The following ZEB1 variants were observed in gnomAD, a reference collection of about 807,000 sequenced individuals.
ZEB1 encodes zinc finger E-box-binding homeobox 1.
In ZEB1, 21 loss-of-function variants were observed where a neutral mutation model predicts 84.9. The ratio of observed to expected loss-of-function variants is 0.25; its 90% confidence interval spans 0.18 to 0.36. The LOEUF is 0.36. Ranked by LOEUF, ZEB1 falls within the 10% of genes least tolerant of loss-of-function variation. The probability of loss-of-function intolerance (pLI) is 1.00; values close to 1 mark genes in which losing one functional copy is unlikely to be tolerated. For missense variants in ZEB1, 1,104 were observed against 1,330.2 expected (o/e 0.83, Z 2.65); for synonymous variants, 420 against 471.1 (o/e 0.89, Z 1.41).
At chr10:31,505,947 TTTTCATTTAAAGAAATTTTAATTTTAA>T (rs1172822924) in intron 4 of ZEB1, among the ~76,000 whole-genome samples, 4 of 152,050 alleles carry the variant, frequency 2.6e-5, no homozygotes, top group Non-Finnish European at 4.4e-5. Context: ...TCTGTTTTGA[TTTTCATTTAAAGAAATTTTAATTTTAA>T]TTTCATTTAA....
intron 1 of ZEB1, among the ~76,000 whole-genome samples, chr10:31,406,659 G>T (rs746391983): frequency 2.0e-5 from 3 of 152,074 alleles, no homozygotes; most frequent in Non-Finnish European, 4.4e-5. Context: ...TCACTCTGAT[G>T]ATAGTTTCTT....
At chr10:31,444,668 G>A (rs2059523480) in intron 1 of ZEB1, among the ~76,000 whole-genome samples, 1 of 151,980 alleles carries the variant, frequency 6.6e-6, no homozygotes, top group African/African-American at 2.4e-5. Flanking sequence ...TGTTAAATAG[G>A]GAATCCTTTC....
chr10:31,420,643 T>C (rs964082153), intron 1 of ZEB1, among the ~76,000 whole-genome samples: 1 of 152,126 alleles, frequency 6.6e-6, no homozygotes, highest in Non-Finnish European at 1.5e-5. Context: ...GCAGAATCAC[T>C]TCACATTTGC....
intron 1 of ZEB1, among the ~76,000 whole-genome samples, chr10:31,355,828 T>G (rs1382921127): frequency 6.6e-6 from 1 of 152,180 alleles, no homozygotes; most frequent in Non-Finnish European, 1.5e-5. Context: ...TTTTGACCTA[T>G]ATCCTAAGGG....
At chr10:31,375,681 G>C (rs573540683) in intron 1 of ZEB1, among the ~76,000 whole-genome samples, 1 of 151,750 alleles carries the variant, frequency 6.6e-6, no homozygotes, top group African/African-American at 2.4e-5. Flanking sequence ...CTTTTGTTTT[G>C]AATTTGGCAG....
At chr10:31,414,206 A>G (rs1206806295) in intron 1 of ZEB1, among the ~76,000 whole-genome samples, 1 of 152,254 alleles carries the variant, frequency 6.6e-6, no homozygotes, top group African/African-American at 2.4e-5. Context: ...AAAGCACACA[A>G]CATAGTGCAT....
chr10:31,449,466 G>C (rs1419646165), intron 1 of ZEB1, among the ~76,000 whole-genome samples: 1 of 152,048 alleles, frequency 6.6e-6, no homozygotes, highest in Non-Finnish European at 1.5e-5. Flanking sequence ...ATACTTTTAT[G>C]GTTTCAGTTT....
At chr10:31,410,183 A>T (rs2053971589) in intron 1 of ZEB1, among the ~76,000 whole-genome samples, 2 of 152,192 alleles carry the variant, frequency 1.3e-5, no homozygotes, top group Non-Finnish European at 2.9e-5. Flanking sequence ...GTTACGTTCC[A>T]TCAATACCTA....
chr10:31,519,478 T>C (rs2071845304), intron 6 of ZEB1, among the ~76,000 whole-genome samples: 1 of 152,192 alleles, frequency 6.6e-6, no homozygotes, highest in African/African-American at 2.4e-5. Flanking sequence ...TAATGTTTTA[T>C]CATATCCACT....
At chr10:31,403,820 T>G (rs2052491392) in intron 1 of ZEB1, among the ~76,000 whole-genome samples, 1 of 152,044 alleles carries the variant, frequency 6.6e-6, no homozygotes, top group South Asian at 2.1e-4. Context: ...TTAACATCTC[T>G]TATACTTTTG....
At chr10:31,368,031 T>C (rs2044886998) in intron 1 of ZEB1, among the ~76,000 whole-genome samples, 1 of 152,200 alleles carries the variant, frequency 6.6e-6, no homozygotes, top group East Asian at 1.9e-4. Context: ...GATGTGTGTC[T>C]ATATGTATAG....
At chr10:31,386,297 G>A (rs1372942138) in intron 1 of ZEB1, among the ~76,000 whole-genome samples, 1 of 151,304 alleles carries the variant, frequency 6.6e-6, no homozygotes, top group Non-Finnish European at 1.5e-5. Flanking sequence ...TAGTATTTTT[G>A]TCATTAATAT....
At chr10:31,413,864 G>C (rs1229863737) in intron 1 of ZEB1, among the ~76,000 whole-genome samples, 1 of 151,998 alleles carries the variant, frequency 6.6e-6, no homozygotes, top group Non-Finnish European at 1.5e-5. Context: ...AAAATTTCTT[G>C]GTCTTTCTGC....
intron 1 of ZEB1, 63 bp downstream of exon 1, chr10:31,319,355 C>A (rs2033036107): frequency 2.6e-6 from 4 of 1,542,570 alleles, no homozygotes. Flanking sequence ...CGGGGCGCCC[C>A]CGGGGGTGAG....
chr10:31,482,235 A>G lies in ZEB1; in HGVS notation c.260-13541A>G, dbSNP rs150100292. 1.1e-3 allele frequency among the ~76,000 whole-genome samples: 164 copies of G among 152,214 alleles called. 1 individual carries two copies. Among genetic ancestry groups the G allele is most frequent in the Admixed American group, 3.1e-3 (48 of 15,264 alleles). ...ATTGCTTTAGTTCTGTTTTTGCTCA[A>G]AATACATCACCTCAATCTAATAATT... On this transcript the variant is annotated intron_variant, in intron 2 of 8. Transcript: ENST00000424869.
intron 1 of ZEB1, among the ~76,000 whole-genome samples, chr10:31,359,828 C>A (rs2042707588): frequency 6.6e-6 from 1 of 152,060 alleles, no homozygotes; most frequent in Non-Finnish European, 1.5e-5. Flanking sequence ...TAATCTCAAC[C>A]CCTCTTGTTA....
chr10:31,362,039 GCGGCGGCGGGGCAGAGGCGC>G (rs2043241131), intron 1 of ZEB1, among the ~76,000 whole-genome samples: 2 of 109,358 alleles, frequency 1.8e-5, no homozygotes, highest in African/African-American at 3.5e-5. Flanking sequence ...CGCAGACGGG[GCGGCGGCGGGGCAGAGGCGC>G]TCCTCATTTC....
At chr10:31,413,753 A>G (rs1282872049) in intron 1 of ZEB1, among the ~76,000 whole-genome samples, 1 of 152,178 alleles carries the variant, frequency 6.6e-6, no homozygotes, top group Non-Finnish European at 1.5e-5. Context: ...AAGAATATAG[A>G]TACAGTCTGT....
intron 2 of ZEB1, among the ~76,000 whole-genome samples, chr10:31,477,688 A>G (rs2064427519): frequency 6.6e-6 from 1 of 152,086 alleles, no homozygotes; most frequent in East Asian, 1.9e-4. Context: ...GAATAGAACA[A>G]AGAACTCATA....
Sources: allele counts gnomAD v4.1 joint callset (sites outside exome capture counted in the v4.1 genomes callset), GRCh38; gene constraint gnomAD v4.1.1; transcripts MANE v1.5; gene names NCBI Gene and HGNC (gene_info 2026-07-23, HGNC 2026-07-21).